The following SORL1 variants were observed in gnomAD, a reference collection of about 807,000 sequenced individuals.
SORL1 encodes the protein sortilin related receptor 1, also known as sortilin-related receptor.
Under a neutral mutation model 273.7 loss-of-function variants are expected in SORL1, and 127 were observed. The observed-to-expected ratio is 0.46, with a 90% CI of 0.40 to 0.54. The LOEUF (loss-of-function observed/expected upper bound fraction) is 0.54. Among genes scored for constraint, SORL1 ranks in the 20% least tolerant of loss-of-function variants. The pLI is 0.00. For missense variants in SORL1, 2,494 were observed against 2,846.1 expected (o/e 0.88, Z 2.81); for synonymous variants, 1,031 against 1,067.4 (o/e 0.97, Z 0.66).
At position 121,625,201 on chromosome 11, in the gene SORL1, C is replaced by T. The variant is rs370757913; in HGVS notation, c.6288C>T (p.Thr2096=). 3.4e-5 allele frequency: 55 copies of T among 1,614,024 alleles called. 1 individual carries two copies. The highest frequency in any genetic ancestry group is 2.2e-4 in the East Asian group (10 of 44,872). ...AGATGGGTCATAATTACACGTTCAC[C>T]GTCCAAGCAAGATGCCTTTTTGGCA... ...NLKMGHNYTF[T]VQARCLFGNQ... The change falls in exon 46 of 48, where the codon ACC becomes ACT. Residue 2096 remains threonine, a synonymous_variant. Transcript: ENST00000260197.
chr11:121,505,735 A>G (rs781090721), intron 6 of SORL1, among the ~76,000 whole-genome samples: 28 of 152,208 alleles, frequency 1.8e-4, no homozygotes, highest in African/African-American at 3.1e-4. Context: ...TAATTTCAAT[A>G]TATTTGTGAA....
At chr11:121,599,979 CT>C (rs1863362084) in intron 32 of SORL1, among the ~76,000 whole-genome samples, 1 of 152,098 alleles carries the variant, frequency 6.6e-6, no homozygotes, top group Non-Finnish European at 1.5e-5. Flanking sequence ...TTTTCTGATG[CT>C]TTTTAAAGTG....
intron 12 of SORL1, among the ~76,000 whole-genome samples, chr11:121,540,031 A>C (rs866970773): frequency 6.6e-6 from 1 of 152,188 alleles, no homozygotes; most frequent in Non-Finnish European, 1.5e-5. Context: ...TCTTGCTACT[A>C]TTCCAACAGA....
intron 3 of SORL1, 112 bp downstream of exon 3, chr11:121,478,355 G>A: frequency 8.0e-7 from 1 of 1,247,490 alleles, no homozygotes; most frequent in Non-Finnish European, 1.1e-6. Flanking sequence ...TTTGTAGCAT[G>A]ACTGGTGGCT....
chr11:121,545,158 G>A (rs1024618067), intron 13 of SORL1, 85 bp from the exon 14 acceptor site: 8 of 1,289,614 alleles, frequency 6.2e-6, no homozygotes, highest in African/African-American at 1.5e-5. Flanking sequence ...GGAAGTGGGG[G>A]TTGAGGCCAG....
rs1311206172 is a variant in SORL1 at position 121,545,240 on chromosome 11, T to C, written c.1865-3T>C. 6.2e-7 allele frequency: 1 copy of C among 1,613,838 alleles called. No individual in the cohort carries two copies. The highest frequency in any genetic ancestry group is 8.5e-7 in the Non-Finnish European group (1 of 1,179,880). Reference sequence around the variant, plus strand: ...GCTTCGTGCTGTGTTCCTTTTTCTTTAGGAGTTCCCTGCACAGAGAATGAC... The same window carrying C: ...GCTTCGTGCTGTGTTCCTTTTTCTTCAGGAGTTCCCTGCACAGAGAATGAC... On this transcript the variant is annotated splice_polypyrimidine_tract_variant and splice_region_variant and intron_variant, in intron 13 of 47. Coordinates refer to ENST00000260197, the MANE Select transcript of SORL1 (RefSeq NM_003105.6).
chr11:121,617,811 A>G (rs1863662212), intron 41 of SORL1, among the ~76,000 whole-genome samples: 2 of 152,184 alleles, frequency 1.3e-5, no homozygotes, highest in South Asian at 2.1e-4. Flanking sequence ...TCAGTTTCCA[A>G]CGTTTACCAG....
At chr11:121,464,606 C>T (rs1446338784) in intron 1 of SORL1, among the ~76,000 whole-genome samples, 1 of 152,194 alleles carries the variant, frequency 6.6e-6, no homozygotes, top group African/African-American at 2.4e-5. Context: ...TTTCACCTCT[C>T]CGGGTTGCCA....
intron 1 of SORL1, among the ~76,000 whole-genome samples, chr11:121,466,566 A>G (rs1455467643): frequency 1.3e-5 from 2 of 152,070 alleles, no homozygotes; most frequent in African/African-American, 4.8e-5. Context: ...GGGGGTGAGG[A>G]TGGGGGCAAG....
chr11:121,516,791 C>T (rs1035331127), intron 8 of SORL1, among the ~76,000 whole-genome samples: 13 of 152,156 alleles, frequency 8.5e-5, no homozygotes, highest in African/African-American at 2.4e-4. Flanking sequence ...TGGTGGCTCA[C>T]GCCTGTAAAC....
At chr11:121,454,389 T>C (rs1466898072) in intron 1 of SORL1, among the ~76,000 whole-genome samples, 1 of 152,224 alleles carries the variant, frequency 6.6e-6, no homozygotes, top group East Asian at 1.9e-4. Flanking sequence ...ATGTGCCATT[T>C]CTTTCTTGGG....
At chr11:121,628,517 G>A (rs987477563) in intron 47 of SORL1, among the ~76,000 whole-genome samples, 1 of 152,188 alleles carries the variant, frequency 6.6e-6, no homozygotes, top group Non-Finnish European at 1.5e-5. Context: ...ACCACTCACA[G>A]CCTGCTGTGC....
At position 121,633,252 on chromosome 11, in the gene SORL1, A is replaced by C. The variant is rs557756699; in HGVS notation, c.*3689A>C. On this transcript the variant is annotated 3_prime_UTR_variant, in exon 48 of 48. Coordinates refer to ENST00000260197, the MANE Select transcript of SORL1 (RefSeq NM_003105.6). ...GGTTGTATGTATGTTTCTGCCCACT[A>C]ATTTTGAGCAGCCATATTATGAATT... The C allele has an allele frequency of 6.6e-6, 1 of 152,284 alleles. No individual in the cohort carries two copies. The highest frequency in any genetic ancestry group is 2.1e-4 in the South Asian group (1 of 4,818). 9.4% of individuals were successfully genotyped at this position (152,284 alleles called of 1,614,324 possible).
intron 11 of SORL1, among the ~76,000 whole-genome samples, chr11:121,526,018 A>G (rs1375827011): frequency 6.6e-6 from 1 of 152,236 alleles, no homozygotes; most frequent in Non-Finnish European, 1.5e-5. Flanking sequence ...ATGGAATCAG[A>G]GCCTGTCTCA....
chr11:121,565,448 G>A (rs994685436), intron 21 of SORL1, among the ~76,000 whole-genome samples: 3 of 152,054 alleles, frequency 2.0e-5, no homozygotes, highest in Admixed American at 6.5e-5. Context: ...TATCCATATC[G>A]ACACTGATTA....
chr11:121,479,256 T>G (rs1591554334), intron 3 of SORL1, among the ~76,000 whole-genome samples: 1 of 152,172 alleles, frequency 6.6e-6, no homozygotes, highest in Admixed American at 6.5e-5. Context: ...GGCAAGGCTT[T>G]CCTGCCAGTT....
At chr11:121,520,573 C>A in intron 8 of SORL1, 84 bp from the exon 9 acceptor site, 1 of 976,876 alleles carries the variant, frequency 1.0e-6, no homozygotes, top group Non-Finnish European at 1.5e-6. Flanking sequence ...AAATTGTATA[C>A]TTTTAAATGG....
intron 6 of SORL1, among the ~76,000 whole-genome samples, chr11:121,499,384 G>A (rs1487984231): frequency 6.6e-6 from 1 of 152,090 alleles, no homozygotes; most frequent in East Asian, 1.9e-4. Flanking sequence ...GTGGTCTTAG[G>A]AGTACCCACG....
chr11:121,452,841 G>A lies in SORL1; in HGVS notation c.285+225G>A, dbSNP rs183196358. The A allele has an allele frequency of 8.2e-5, 39 of 472,904 alleles. No individual in the cohort carries two copies. Among genetic ancestry groups the A allele is most frequent in the African/African-American group, 6.5e-4 (32 of 49,056 alleles). The allele number at this position is 472,904 out of a possible 1,614,324, so 29.3% of individuals were successfully genotyped here. The stretch of plus-strand genomic sequence containing the variant: ...AAACGTATTCCAGGTAACTCGCCGG[G>A]TGCAGTGCGTATTACCCCAGGGTGT... On this transcript the variant is annotated intron_variant, in intron 1 of 47. Transcript: ENST00000260197. The surrounding 1 kb of genome is among the most constrained non-coding windows in gnomAD (Gnocchi z 5.3).
Sources: allele counts gnomAD v4.1 joint callset (sites outside exome capture counted in the v4.1 genomes callset), GRCh38; gene constraint gnomAD v4.1.1; non-coding constraint Gnocchi (gnomAD v3.1); transcripts MANE v1.5; gene names NCBI Gene and HGNC (gene_info 2026-07-23, HGNC 2026-07-21).